Variants in MOXD1 observed in about 807,000 individuals in gnomAD.
MOXD1 encodes the protein monooxygenase DBH like 1.
Under a neutral mutation model 66.6 loss-of-function variants are expected in MOXD1, and 62 were observed. The observed-to-expected ratio is 0.93, with a 90% CI of 0.76 to 1.15. The LOEUF (loss-of-function observed/expected upper bound fraction) is 1.15. MOXD1 is among the 50% of genes most tolerant of loss of function. MOXD1 has a pLI of 0.00. For missense variants in MOXD1, 847 were observed against 754.6 expected (o/e 1.12, Z -1.44); for synonymous variants, 303 against 281.9 (o/e 1.07, Z -0.75).
chr6:132,311,850 T>C (rs540659871), intron 10 of MOXD1, among the ~76,000 whole-genome samples: 2 of 152,274 alleles, frequency 1.3e-5, no homozygotes, highest in East Asian at 3.9e-4. Context: ...TGCTTTTGCC[T>C]TCTTTATAAC....
intron 4 of MOXD1, among the ~76,000 whole-genome samples, chr6:132,334,454 C>G (rs1042558263): frequency 6.6e-6 from 1 of 152,212 alleles, no homozygotes; most frequent in Non-Finnish European, 1.5e-5. Context: ...ACAACTGACC[C>G]AAATGCTCAA....
In MOXD1 at chr6:132,352,823, T is replaced by G. The variant is rs369972998; in HGVS notation, c.663+19785A>C. ...CAATTTTGAGAGCTCCAATGTTACG[T>G]GCATGTATGTTTAGGATTGTGATAT... On this transcript the variant is annotated intron_variant, in intron 4 of 11. Coordinates refer to ENST00000367963, the MANE Select transcript of MOXD1 (RefSeq NM_015529.4). 2.0e-5 allele frequency among the ~76,000 whole-genome samples: 3 copies of G among 152,300 alleles called. No individual in the cohort carries two copies. In the East Asian group the frequency reaches 5.8e-4, roughly 29 times the overall value.
chr6:132,349,908 A>C (rs1775769964), intron 4 of MOXD1, among the ~76,000 whole-genome samples: 1 of 152,022 alleles, frequency 6.6e-6, no homozygotes, highest in Non-Finnish European at 1.5e-5. Context: ...CTTGTTGGCT[A>C]TTTGTATATC....
intron 4 of MOXD1, 108 bp from the exon 5 acceptor site, chr6:132,328,702 ATTC>A (rs1253547506): frequency 9.8e-7 from 1 of 1,016,822 alleles, no homozygotes; most frequent in Non-Finnish European, 1.4e-6. Flanking sequence ...TCAAAGGGAT[ATTC>A]TTCTCAATTA....
chr6:132,375,414 G>A, intron 1 of MOXD1, among the ~76,000 whole-genome samples: 1 of 152,118 alleles, frequency 6.6e-6, no homozygotes, highest in East Asian at 1.9e-4. Context: ...TACTAAATTT[G>A]TTCAACGGTG....
intron 4 of MOXD1, among the ~76,000 whole-genome samples, chr6:132,365,558 C>T (rs1025295530): frequency 1.3e-5 from 2 of 152,100 alleles, no homozygotes; most frequent in African/African-American, 4.8e-5. Flanking sequence ...ATTTGAGGAC[C>T]AGGCAAGGTT....
chr6:132,382,484 G>A (rs1301564484), intron 1 of MOXD1, among the ~76,000 whole-genome samples: 5 of 151,936 alleles, frequency 3.3e-5, no homozygotes, highest in Non-Finnish European at 7.4e-5. Context: ...CATCACTGAG[G>A]TATGATTTTT....
intron 4 of MOXD1, among the ~76,000 whole-genome samples, chr6:132,349,129 C>T (rs1411210805): frequency 6.6e-6 from 1 of 150,594 alleles, no homozygotes; most frequent in African/African-American, 2.4e-5. Flanking sequence ...ATCCCTTGCC[C>T]ACCCCCACCC....
chr6:132,399,858 G>A (rs943211994), intron 1 of MOXD1, among the ~76,000 whole-genome samples: 1 of 152,122 alleles, frequency 6.6e-6, no homozygotes, highest in Non-Finnish European at 1.5e-5. Context: ...CCCCTAGTGA[G>A]GCCTGCATTT....
intron 1 of MOXD1, among the ~76,000 whole-genome samples, chr6:132,383,061 G>C (rs934888560): frequency 1.3e-5 from 2 of 152,150 alleles, no homozygotes; most frequent in Admixed American, 6.5e-5. Flanking sequence ...GGAGATTCTT[G>C]AGAAAAATGT....
At position 132,303,829 on chromosome 6, in the gene MOXD1, GTGTGTGTATATATATATATATATATA is replaced by G. The variant is rs1774617006; in HGVS notation, c.1509-5900_1509-5875del. ...CACATGTGTGTGTGTGTGTGTGTGT[GTGTGTGTATATATATATATATATATA>G]TATATATATATATATATATATATAC... is the stretch of plus-strand genomic sequence containing the variant. On this transcript the variant is annotated intron_variant, in intron 10 of 11. Coordinates refer to ENST00000367963, the MANE Select transcript of MOXD1 (RefSeq NM_015529.4). Among the ~76,000 whole-genome samples, 21 of 70,608 alleles carry G rather than the reference GTGTGTGTATATATATATATATATATA, an allele frequency of 3.0e-4. 1 individual carries two copies. Among genetic ancestry groups the G allele is most frequent in the African/African-American group, 9.4e-4 (19 of 20,282 alleles). 46.3% of individuals were successfully genotyped at this position (70,608 alleles called of 152,430 possible).
At chr6:132,322,549 A>G (rs1646158634) in intron 8 of MOXD1, 130 bp downstream of exon 8, 2 of 832,848 alleles carry the variant, frequency 2.4e-6, no homozygotes, top group Admixed American at 3.0e-5. Context: ...TACAACACCC[A>G]CAGTGGGTGG....
chr6:132,328,268 G>T (rs1775232460), intron 5 of MOXD1, 147 bp downstream of exon 5: 4 of 1,219,858 alleles, frequency 3.3e-6, no homozygotes, highest in Non-Finnish European at 4.5e-6. Context: ...CTTAAAGAAA[G>T]AATCCCTTCC....
chr6:132,324,648 A>G (rs1241968630), intron 6 of MOXD1, among the ~76,000 whole-genome samples: 3 of 152,188 alleles, frequency 2.0e-5, no homozygotes, highest in Non-Finnish European at 4.4e-5. Flanking sequence ...TTAAGAATCC[A>G]TTATGTAAAT....
At chr6:132,350,383 T>C (rs1775778884) in intron 4 of MOXD1, among the ~76,000 whole-genome samples, 1 of 152,184 alleles carries the variant, frequency 6.6e-6, no homozygotes, top group Admixed American at 6.5e-5. Flanking sequence ...GAAAAGGGTG[T>C]CATTTACCCA....
At chr6:132,395,821 G>A (rs1776857730) in intron 1 of MOXD1, among the ~76,000 whole-genome samples, 2 of 152,122 alleles carry the variant, frequency 1.3e-5, no homozygotes, top group Admixed American at 1.3e-4. Context: ...CTCAGCAAGA[G>A]CTGCATATAT....
chr6:132,389,363 G>A (rs116809333), intron 1 of MOXD1, among the ~76,000 whole-genome samples: 6,140 of 151,574 alleles, frequency 0.041, 317 homozygotes, highest in Middle Eastern at 0.13. Flanking sequence ...CACTCTGAAT[G>A]GCTGTGTATG....
chr6:132,388,968 C>G (rs188034495), intron 1 of MOXD1, among the ~76,000 whole-genome samples: 2 of 151,400 alleles, frequency 1.3e-5, no homozygotes, highest in Admixed American at 6.6e-5. Context: ...GAAAGAAAGG[C>G]TCCTAGTTCA....
At chr6:132,305,340 G>A (rs1024335726) in intron 10 of MOXD1, among the ~76,000 whole-genome samples, 5 of 152,218 alleles carry the variant, frequency 3.3e-5, no homozygotes, top group Admixed American at 2.0e-4. Flanking sequence ...ACTCCAACTA[G>A]AGGCTCAGGG....
Sources: allele counts gnomAD v4.1 joint callset (sites outside exome capture counted in the v4.1 genomes callset), GRCh38; gene constraint gnomAD v4.1.1; transcripts MANE v1.5; gene names NCBI Gene and HGNC (gene_info 2026-07-23, HGNC 2026-07-21).